The following TTC7B variants were observed in gnomAD, a reference collection of about 807,000 sequenced individuals.
TTC7B encodes the protein tetratricopeptide repeat protein 7B.
Under a neutral mutation model 106.8 loss-of-function variants are expected in TTC7B, and 28 were observed. The observed-to-expected ratio is 0.26, with a 90% CI of 0.19 to 0.36. The LOEUF (loss-of-function observed/expected upper bound fraction) is 0.36. Among genes scored for constraint, TTC7B ranks in the 10% least tolerant of loss-of-function variants. TTC7B has a pLI of 1.00. For synonymous variants in TTC7B, 405 were observed against 430.6 expected, an observed-to-expected ratio of 0.94 and a Z score of 0.74; for missense variants, 862 against 1,076.4, an observed-to-expected ratio of 0.80 and a Z score of 2.79.
intron 19 of TTC7B, among the ~76,000 whole-genome samples, chr14:90,573,969 C>A (rs1891155142): frequency 6.6e-6 from 1 of 152,188 alleles, no homozygotes; most frequent in Non-Finnish European, 1.5e-5. Flanking sequence ...TCCAACCTCA[C>A]ACTTGCCCTC....
At position 90,664,131 on chromosome 14, in the gene TTC7B, T is replaced by C. The variant is rs1245215447; in HGVS notation, c.1153-5744A>G. Among the ~76,000 whole-genome samples, 7 of 152,324 alleles carry C rather than the reference T, an allele frequency of 4.6e-5. No homozygotes were observed. In the East Asian group the frequency reaches 1.3e-3, roughly 29 times the overall value. On this transcript the variant is annotated intron_variant, in intron 9 of 19. Coordinates refer to ENST00000328459, the MANE Select transcript of TTC7B (RefSeq NM_001010854.2). The stretch of plus-strand genomic sequence containing the variant: ...TCCACAACCGTCGCCCCTTAGGCTG[T>C]TTGCTCATCCCAGTTATGTTTGCCT...
At chr14:90,776,140 G>GACAC (rs370873395) in intron 3 of TTC7B, among the ~76,000 whole-genome samples, 5,099 of 140,292 alleles carry the variant, frequency 0.036, 132 homozygotes, top group African/African-American at 0.06. Context: ...GGCCCCCCGT[G>GACAC]ACACACACAC....
chr14:90,567,852 T>C (rs1890862662), intron 19 of TTC7B: 1 of 152,194 alleles, frequency 6.6e-6, no homozygotes, highest in Non-Finnish European at 1.5e-5. Context: ...AAGGTTTCCA[T>C]CTGCAACCGG....
At chr14:90,747,544 C>A (rs898095442) in intron 3 of TTC7B, among the ~76,000 whole-genome samples, 1 of 152,142 alleles carries the variant, frequency 6.6e-6, no homozygotes, top group African/African-American at 2.4e-5. Context: ...TTGTTTCTGA[C>A]CCTGTATATG....
At chr14:90,695,952 G>A (rs1290966194) in intron 5 of TTC7B, among the ~76,000 whole-genome samples, 1 of 152,096 alleles carries the variant, frequency 6.6e-6, no homozygotes, top group Non-Finnish European at 1.5e-5. Flanking sequence ...ACAGGGCACA[G>A]GAATATGAGC....
At chr14:90,690,750 C>T (rs1309875552) in intron 6 of TTC7B, among the ~76,000 whole-genome samples, 1 of 152,146 alleles carries the variant, frequency 6.6e-6, no homozygotes, top group Non-Finnish European at 1.5e-5. Flanking sequence ...TGCTGATCTT[C>T]TGAGAAGGAG....
intron 5 of TTC7B, among the ~76,000 whole-genome samples, chr14:90,728,916 C>G (rs190812368): frequency 6.6e-6 from 1 of 152,376 alleles, no homozygotes; most frequent in Non-Finnish European, 1.5e-5. Flanking sequence ...CCTCTCTTCT[C>G]CTTCTATTTA....
chr14:90,803,459 C>T (rs1321724812), intron 1 of TTC7B, among the ~76,000 whole-genome samples: 1 of 152,204 alleles, frequency 6.6e-6, no homozygotes, highest in East Asian at 1.9e-4. Flanking sequence ...CTGGCCATGA[C>T]TGTGGGCCAG....
rs561350036 is a variant in TTC7B at position 90,529,785 on chromosome 14, G to A, written c.*11583C>T. 2 of 152,164 alleles carry A rather than the reference G, an allele frequency of 1.3e-5. No homozygotes were observed. Among genetic ancestry groups the A allele is most frequent in the African/African-American group, 4.8e-5 (2 of 41,442 alleles). 9.4% of individuals were successfully genotyped at this position (152,164 alleles called of 1,614,324 possible). A position where few individuals can be genotyped will look rare whatever the true frequency, so the allele number is the denominator to read the frequency against. ...GCTGGCATTACCCATTCCATTGTAT[G>A]TGGCATGACAATGTGAAACCACTTA... is the stretch of plus-strand genomic sequence containing the variant. On this transcript the variant is annotated 3_prime_UTR_variant, in exon 20 of 20. Transcript: ENST00000328459.
chr14:90,705,793 C>T (rs1239460149), intron 5 of TTC7B, among the ~76,000 whole-genome samples: 1 of 152,140 alleles, frequency 6.6e-6, no homozygotes, highest in Non-Finnish European at 1.5e-5. Flanking sequence ...CACTTTTTTT[C>T]ACTTGACGAT....
intron 19 of TTC7B, among the ~76,000 whole-genome samples, chr14:90,551,214 C>T (rs1309768135): frequency 6.6e-6 from 1 of 152,214 alleles, no homozygotes; most frequent in African/African-American, 2.4e-5. Flanking sequence ...GGCTAGACAG[C>T]AGGCTCCTGA....
chr14:90,582,243 G>A (rs1162328303), intron 18 of TTC7B, among the ~76,000 whole-genome samples: 1 of 152,200 alleles, frequency 6.6e-6, no homozygotes, highest in East Asian at 1.9e-4. Flanking sequence ...AGGCGCCACT[G>A]GGAACACTAG....
At chr14:90,611,057 C>T (rs534430653) in intron 16 of TTC7B, among the ~76,000 whole-genome samples, 2 of 152,188 alleles carry the variant, frequency 1.3e-5, no homozygotes, top group Non-Finnish European at 1.5e-5. Context: ...ATAAACCACA[C>T]CCACAGACCC....
In TTC7B at chr14:90,537,856, G is replaced by A. The variant is rs1889456400; in HGVS notation, c.*3512C>T. On this transcript the variant is annotated 3_prime_UTR_variant, in exon 20 of 20. Coordinates refer to ENST00000328459, the MANE Select transcript of TTC7B (RefSeq NM_001010854.2). ...TTCTACCAGAAGGTAGGTCCTAAGT[G>A]GATGCAGCATCTGTGTCACACATTG... 1.3e-5 allele frequency: 2 copies of A among 152,252 alleles called. No homozygotes were observed. The highest frequency in any genetic ancestry group is 4.1e-4 in the South Asian group (2 of 4,832). The allele number at this position is 152,252 out of a possible 1,614,324, so 9.4% of individuals were successfully genotyped here. A position where few individuals can be genotyped will look rare whatever the true frequency, so the allele number is the denominator to read the frequency against.
intron 1 of TTC7B, among the ~76,000 whole-genome samples, chr14:90,799,771 T>C (rs1052029041): frequency 2.6e-5 from 4 of 151,942 alleles, no homozygotes; most frequent in African/African-American, 9.7e-5. Flanking sequence ...TCATGTGAAG[T>C]GCAATTGGGA....
Position 90,624,493 on chromosome 14 carries a change from A to G in TTC7B, c.1752-6448T>C, listed in dbSNP as rs1884352872. Among the ~76,000 whole-genome samples the G allele has an allele frequency of 6.6e-6, 1 of 152,306 alleles. No individual in the cohort carries two copies. Among genetic ancestry groups the G allele is most frequent in the East Asian group, 1.9e-4 (1 of 5,172 alleles). On this transcript the variant is annotated intron_variant, in intron 15 of 19. Coordinates refer to ENST00000328459, the MANE Select transcript of TTC7B (RefSeq NM_001010854.2). This position sits in a 1 kb window ranked among gnomAD's most constrained non-coding sequence, Gnocchi z 4.0. ...TGGAAACTGCTCCCAACCACTGGACATGCACCTCTAGTACCTCACACCCTA... is the reference window on the plus strand; with the variant it reads ...TGGAAACTGCTCCCAACCACTGGACGTGCACCTCTAGTACCTCACACCCTA...
intron 18 of TTC7B, among the ~76,000 whole-genome samples, chr14:90,580,316 T>C (rs918507390): frequency 6.6e-5 from 10 of 152,244 alleles, no homozygotes; most frequent in Admixed American, 1.3e-4. Context: ...GTTCTCATTT[T>C]ATCTACATGG....
chr14:90,588,847 TA>T (rs1891829044), intron 18 of TTC7B, among the ~76,000 whole-genome samples: 1 of 110,160 alleles, frequency 9.1e-6, no homozygotes, highest in Non-Finnish European at 1.9e-5. Context: ...AAAAAATTGA[TA>T]AATTTATTTT....
intron 18 of TTC7B, among the ~76,000 whole-genome samples, chr14:90,592,510 A>C (rs1018710361): frequency 6.6e-6 from 1 of 152,132 alleles, no homozygotes; most frequent in Non-Finnish European, 1.5e-5. Flanking sequence ...GGAGTTCGAG[A>C]CCAGCCTGGC....
Sources: allele counts gnomAD v4.1 joint callset (sites outside exome capture counted in the v4.1 genomes callset), GRCh38; gene constraint gnomAD v4.1.1; non-coding constraint Gnocchi (gnomAD v3.1); transcripts MANE v1.5; gene names NCBI Gene and HGNC (gene_info 2026-07-23, HGNC 2026-07-21).